The following HCN2 variants were observed in gnomAD, a reference collection of about 807,000 sequenced individuals.
HCN2 encodes hyperpolarization activated cyclic nucleotide gated potassium and sodium channel 2.
HCN2 carries 20 observed loss-of-function variants against 52.3 expected under a neutral mutation model. That is an observed-to-expected ratio of 0.38 (90% CI 0.27 to 0.56). The LOEUF is 0.56. HCN2 is among the 20% of genes least tolerant of loss of function. HCN2 has a pLI of 0.71. For synonymous variants in HCN2, 694 were observed against 537.0 expected, an observed-to-expected ratio of 1.29 and a Z score of -4.04; for missense variants, 981 against 1,207.7, an observed-to-expected ratio of 0.81 and a Z score of 2.78.
chr19:602,240 C>T (rs1319872594), intron 1 of HCN2, among the ~76,000 whole-genome samples: 1 of 100,632 alleles, frequency 9.9e-6, no homozygotes, highest in South Asian at 4.9e-4. Flanking sequence ...TCTCCTCCTG[C>T]GTGGACGCCC....
chr19:615,647 G>A, intron 7 of HCN2, 148 bp from the exon 8 acceptor site: 1 of 702,222 alleles, frequency 1.4e-6, no homozygotes, highest in Non-Finnish European at 2.4e-6. Context: ...TGCTACATAT[G>A]TGCTTATTGT....
chr19:590,072 C>A lies in HCN2; in HGVS notation c.127C>A (p.Pro43Thr). ...GCCGCCGCCGCCGCCGCCGCCCGCGCCCCCCCCGGGCCCCGGGCCCGCGCC... is the reference window on the plus strand; with the variant it reads ...GCCGCCGCCGCCGCCGCCGCCCGCGACCCCCCCGGGCCCCGGGCCCGCGCC... Reference protein sequence around the residue: ...QQPPPPPPPAPPPGPGPAPPQ... With the variant: ...QQPPPPPPPATPPGPGPAPPQ... Residue 43 changes from proline (P) to threonine (T), a missense_variant, in exon 1 of 8, where the codon CCC becomes ACC. Pro to Thr is a conservative substitution (Grantham distance 38). This residue lies in a region of HCN2 where 215 missense variants were observed against 179.4 expected (regional missense o/e 1.20). Coordinates refer to ENST00000251287, the MANE Select transcript of HCN2 (RefSeq NM_001194.4). This position sits in a 1 kb window ranked among gnomAD's most constrained non-coding sequence, Gnocchi z 7.2. 3 of 580,886 alleles carry A rather than the reference C, an allele frequency of 5.2e-6. No homozygotes were observed. The highest frequency in any genetic ancestry group is 2.2e-5 in the African/African-American group (1 of 46,098). The allele number at this position is 580,886 out of a possible 1,614,324, so 36.0% of individuals were successfully genotyped here.
rs756195885 is a variant in HCN2 at position 613,424 on chromosome 19, C to T, written c.1761C>T (p.Gly587=). Residue 587 remains glycine (G), a synonymous_variant, in exon 6 of 8, where the codon GGC becomes GGT. Coordinates refer to ENST00000251287, the MANE Select transcript of HCN2 (RefSeq NM_001194.4). ...AGAAGATGTACTTCATCCAGCACGGCGTGGTCAGCGTGCTCACTAAGGGCA... is the reference window on the plus strand; with the variant it reads ...AGAAGATGTACTTCATCCAGCACGGTGTGGTCAGCGTGCTCACTAAGGGCA... ...IGKKMYFIQH[G]VVSVLTKGNK... 13 of 1,610,648 alleles carry T rather than the reference C, an allele frequency of 8.1e-6. No homozygotes were observed. In the Admixed American group the frequency reaches 8.4e-5, roughly 10 times the overall value.
At position 610,309 on chromosome 19, in the gene HCN2, C is replaced by G; in HGVS notation, c.1488C>G (p.Phe496Leu). The G allele has an allele frequency of 3.1e-6, 5 of 1,613,836 alleles. No individual in the cohort carries two copies. Among genetic ancestry groups the G allele is most frequent in the Non-Finnish European group, 4.2e-6 (5 of 1,179,832 alleles). ...YMSFHKLPAD[F>L]RQKIHDYYEH... Reference sequence around the variant, plus strand: ...CCTTCCACAAGCTGCCAGCTGACTTCCGCCAGAAGATCCACGACTACTATG... The same window carrying G: ...CCTTCCACAAGCTGCCAGCTGACTTGCGCCAGAAGATCCACGACTACTATG... The change falls in exon 5 of 8, where the codon TTC becomes TTG. Residue 496 changes from phenylalanine (F) to leucine (L), a missense_variant. Physicochemically the swap from Phe to Leu is conservative, Grantham distance 22 (BLOSUM62 0). Around this residue, in one of 6 missense-constraint regions of HCN2, gnomAD observed 282 missense variants for 553.8 expected, o/e 0.51. Coordinates refer to ENST00000251287, the MANE Select transcript of HCN2 (RefSeq NM_001194.4).
In HCN2 at chr19:596,708, C is replaced by T. The variant is rs545423415; in HGVS notation, c.632+6131C>T. 4.6e-5 allele frequency among the ~76,000 whole-genome samples: 7 copies of T among 152,244 alleles called. No individual in the cohort carries two copies. The East Asian group carries it at 5.8e-4, about 13-fold the overall frequency. ...GGCCCGCCTGGGTCCCTATGGTGGC[C>T]GGATGGGGAAAGGGCTGCCGGACGC... is the stretch of plus-strand genomic sequence containing the variant. On this transcript the variant is annotated intron_variant, in intron 1 of 7. Coordinates refer to ENST00000251287, the MANE Select transcript of HCN2 (RefSeq NM_001194.4).
intron 5 of HCN2, among the ~76,000 whole-genome samples, chr19:611,465 G>A (rs1047953612): frequency 3.9e-5 from 6 of 152,194 alleles, no homozygotes; most frequent in Non-Finnish European, 1.5e-5. Context: ...TGGAGGAGCT[G>A]GGCGAGGAGG....
chr19:616,569 G>C lies in HCN2; in HGVS notation c.*95G>C, dbSNP rs1248984516. 2.7e-6 allele frequency: 2 copies of C among 745,238 alleles called. No individual in the cohort carries two copies. The highest frequency in any genetic ancestry group is 5.3e-5 in the Admixed American group (1 of 18,960). 46.2% of individuals were successfully genotyped at this position (745,238 alleles called of 1,614,324 possible). On this transcript the variant is annotated 3_prime_UTR_variant, in exon 8 of 8. Coordinates refer to ENST00000251287, the MANE Select transcript of HCN2 (RefSeq NM_001194.4). ...ATTGCGCTGCCCCGGCCGCCAGTCC[G>C]CCCAGAAGCCATAGACGAGACGTAG...
chr19:613,734 G>T, intron 6 of HCN2, 118 bp from the exon 7 acceptor site: 1 of 960,686 alleles, frequency 1.0e-6, no homozygotes, highest in Admixed American at 4.5e-5. Context: ...GCACCAGGGA[G>T]AGCCTGGGTG....
intron 5 of HCN2, among the ~76,000 whole-genome samples, chr19:611,263 G>T (rs375549282): frequency 1.5e-4 from 23 of 152,242 alleles, no homozygotes; most frequent in African/African-American, 5.3e-4. Context: ...GTGCCCTGCC[G>T]TGTGCTTGAA....
rs1047224025 is a variant in HCN2 at position 606,022 on chromosome 19, C to T, written c.1218+800C>T. 6.8e-4 allele frequency among the ~76,000 whole-genome samples: 103 copies of T among 152,202 alleles called. 1 individual carries two copies. Among genetic ancestry groups the T allele is most frequent in the Non-Finnish European group, 7.1e-4 (48 of 68,030 alleles). On this transcript the variant is annotated intron_variant, in intron 3 of 7. Coordinates refer to ENST00000251287, the MANE Select transcript of HCN2 (RefSeq NM_001194.4). ...AAGCTGAGTGTGGTTATGATGAGTC[C>T]TGTCACCCAGACATCTGCTTAGCGC... is the stretch of plus-strand genomic sequence containing the variant.
rs1313073645 is a variant in HCN2, at chr19:614,980, G to A, written c.1991-815G>A. ...CAGGGAGCTCCCTGGTGTACAGTAG[G>A]AAGCTCTCCACAACTTGCTCTATAC... On this transcript the variant is annotated intron_variant, in intron 7 of 7. Transcript: ENST00000251287. Among the ~76,000 whole-genome samples, 3 of 152,144 alleles carry A rather than the reference G, an allele frequency of 2.0e-5. No homozygotes were observed. The East Asian group carries it at 5.8e-4, about 29-fold the overall frequency.
chr19:600,507 A>AT lies in HCN2; in HGVS notation c.633-3026dup, dbSNP rs936605172. Among the ~76,000 whole-genome samples the AT allele has an allele frequency of 3.5e-3, 510 of 146,690 alleles. 12 individuals carry two copies. In the East Asian group the frequency reaches 0.052, roughly 15 times the overall value. On this transcript the variant is annotated intron_variant, in intron 1 of 7. Coordinates refer to ENST00000251287, the MANE Select transcript of HCN2 (RefSeq NM_001194.4). ...AGGCACGTGCCATCATGCCCAGCCA[A>AT]TTTTTTTTTTTGTATTTTTTGTAGA... is the stretch of plus-strand genomic sequence containing the variant.
chr19:612,393 GGTGTGT>G (rs140326049), intron 5 of HCN2, among the ~76,000 whole-genome samples: 2,193 of 141,860 alleles, frequency 0.015, 61 homozygotes, highest in African/African-American at 0.049. Flanking sequence ...GCTTTCCACT[GGTGTGT>G]GTGTGTGTGT....
intron 1 of HCN2, among the ~76,000 whole-genome samples, chr19:599,147 C>G (rs1388495343): frequency 6.6e-6 from 1 of 152,250 alleles, no homozygotes. Flanking sequence ...TCTTGCAGAC[C>G]GAGCTGCTGT....
intron 3 of HCN2, among the ~76,000 whole-genome samples, chr19:607,587 G>C (rs529292595): frequency 5.9e-5 from 9 of 152,184 alleles, no homozygotes; most frequent in Non-Finnish European, 1.2e-4. Context: ...CTCCTGGGCC[G>C]GCCTGGTGTC....
intron 5 of HCN2, among the ~76,000 whole-genome samples, chr19:612,656 C>G (rs372758648): frequency 1.3e-5 from 2 of 152,198 alleles, no homozygotes; most frequent in East Asian, 3.9e-4. Context: ...ATCAGGCGAT[C>G]CACCCACCTT....
chr19:597,456 G>A (rs1331523618), intron 1 of HCN2, among the ~76,000 whole-genome samples: 2 of 152,222 alleles, frequency 1.3e-5, no homozygotes, highest in African/African-American at 4.8e-5. Context: ...ACCCCTTGGC[G>A]GTTTCTAGGT....
At chr19:606,047 C>T (rs900111398) in intron 3 of HCN2, among the ~76,000 whole-genome samples, 11 of 152,300 alleles carry the variant, frequency 7.2e-5, no homozygotes, top group Non-Finnish European at 1.3e-4. Flanking sequence ...CTGCTTAGCG[C>T]GTTTTCCAAT....
rs75950274 is a variant in HCN2, at chr19:595,832, C to T, written c.632+5255C>T. ...AGTGCCGTCTCCTAATCCCCCGGCC[C>T]GAGGCTCTCCCTTAATCACCGACCT... On this transcript the variant is annotated intron_variant, in intron 1 of 7. Coordinates refer to ENST00000251287, the MANE Select transcript of HCN2 (RefSeq NM_001194.4). 3.0e-3 allele frequency among the ~76,000 whole-genome samples: 461 copies of T among 152,356 alleles called. 3 individuals carry two copies. Among genetic ancestry groups the T allele is most frequent in the African/African-American group, 9.8e-3 (408 of 41,582 alleles).
Sources: gnomAD v4.1 joint callset for allele counts (sites outside exome capture counted in the v4.1 genomes callset) on GRCh38, gnomAD v4.1.1 for gene constraint, gnomAD v4.1.1 regional missense constraint, Gnocchi (gnomAD v3.1) non-coding constraint, MANE v1.5 for transcripts, NCBI Gene and HGNC (gene_info 2026-07-23, HGNC 2026-07-21) for gene names.